Variants in PRPH2 observed in about 807,000 individuals in gnomAD.
PRPH2 encodes the protein peripherin-2.
In PRPH2, 17 loss-of-function variants were observed where a neutral mutation model predicts 31.3. The ratio of observed to expected loss-of-function variants is 0.54; its 90% CI spans 0.37 to 0.81. The LOEUF (loss-of-function observed/expected upper bound fraction) is 0.81. Among genes scored for constraint, PRPH2 ranks in the 40% least tolerant of loss-of-function variants. PRPH2 has a pLI of 0.00. For missense variants in PRPH2, 430 were observed against 439.7 expected, an observed-to-expected ratio of 0.98 and a Z score of 0.20; for synonymous variants, 165 against 184.4, an observed-to-expected ratio of 0.89 and a Z score of 0.85.
intron 1 of PRPH2, among the ~76,000 whole-genome samples, chr6:42,705,803 A>G (rs1800153067): frequency 1.3e-5 from 2 of 150,176 alleles, no homozygotes; most frequent in South Asian, 2.1e-4. Flanking sequence ...TACTAAAAAT[A>G]CAAAAATTAT....
intron 2 of PRPH2, among the ~76,000 whole-genome samples, chr6:42,699,352 A>G (rs414082): frequency 0.77 from 117,337 of 151,766 alleles, 45,442 homozygotes; most frequent in East Asian, 0.86. Flanking sequence ...GCGAGCCACC[A>G]TGCCCAGCCC....
intron 1 of PRPH2, among the ~76,000 whole-genome samples, chr6:42,709,141 C>T (rs1411671010): frequency 6.6e-6 from 1 of 151,480 alleles, no homozygotes; most frequent in Non-Finnish European, 1.5e-5. Context: ...CCATCCTGGC[C>T]AACGTGGTGA....
In PRPH2 at chr6:42,722,569, G is replaced by T; in HGVS notation, c.-235C>A. 7.1e-7 allele frequency: 1 copy of T among 1,408,348 alleles called. No individual in the cohort carries two copies. Among genetic ancestry groups the T allele is most frequent in the Non-Finnish European group, 9.2e-7 (1 of 1,082,660 alleles). The allele number at this position is 1,408,348 out of a possible 1,614,324, so 87.2% of individuals were successfully genotyped here. A position where few individuals can be genotyped will look rare whatever the true frequency, so the allele number is the denominator to read the frequency against. On this transcript the variant is annotated 5_prime_UTR_variant, in exon 1 of 3. Coordinates refer to ENST00000230381, the MANE Select transcript of PRPH2 (RefSeq NM_000322.5). This position sits in a 1 kb window ranked among gnomAD's most constrained non-coding sequence, Gnocchi z 4.4. Reference sequence around the variant, plus strand: ...GAGCAGGGGATAGTCCTGGTCCTGGGCGTTGTTTCTTCAGCGCCCTTCCCA... The same window carrying T: ...GAGCAGGGGATAGTCCTGGTCCTGGTCGTTGTTTCTTCAGCGCCCTTCCCA...
intron 1 of PRPH2, among the ~76,000 whole-genome samples, chr6:42,710,461 C>A (rs181901087): frequency 1.2e-4 from 18 of 152,308 alleles, no homozygotes; most frequent in Admixed American, 2.6e-4. Flanking sequence ...ATCCCTCCCC[C>A]ACTCCAAACA....
At position 42,716,620 on chromosome 6, in the gene PRPH2, T is replaced by TG. The variant is rs1562430848; in HGVS notation, c.581+5133_581+5134insC. On this transcript the variant is annotated intron_variant, in intron 1 of 2. Transcript: ENST00000230381. The stretch of plus-strand genomic sequence containing the variant: ...TTGGTTTGGTTTGGTTGGTTTTTTT[T>TG]TTTTTTTTTTTTTTTTTGAGATGAA... 1.3e-3 allele frequency among the ~76,000 whole-genome samples: 164 copies of TG among 129,694 alleles called. 1 individual carries two copies. Among genetic ancestry groups the TG allele is most frequent in the African/African-American group, 4.6e-3 (157 of 34,480 alleles). 85.1% of individuals were successfully genotyped at this position (129,694 alleles called of 152,430 possible).
In PRPH2 at chr6:42,702,994, T is replaced by C. The variant is rs143723269; in HGVS notation, c.828+1371A>G. ...GAGTTAGAGAGCAGCCTGGGCAACA[T>C]AGCAAGACCCCATTTCTACAGAAGA... is the stretch of plus-strand genomic sequence containing the variant. On this transcript the variant is annotated intron_variant, in intron 2 of 2. Coordinates refer to ENST00000230381, the MANE Select transcript of PRPH2 (RefSeq NM_000322.5). 5.9e-3 allele frequency among the ~76,000 whole-genome samples: 896 copies of C among 152,146 alleles called. 11 individuals are homozygous for C. Among genetic ancestry groups the C allele is most frequent in the African/African-American group, 0.021 (855 of 41,514 alleles).
Position 42,722,406 on chromosome 6 carries a change from G to C in PRPH2, c.-72C>G. ...CCCAAACCTTAACGAGCCCAGAGGC[G>C]GAGACTTAGGGCCTTGGGAAAAGTG... On this transcript the variant is annotated 5_prime_UTR_variant, in exon 1 of 3. Transcript: ENST00000230381. The surrounding 1 kb of genome is among the most constrained non-coding windows in gnomAD (Gnocchi z 4.4). The C allele has an allele frequency of 6.3e-7, 1 of 1,590,808 alleles. No homozygotes were observed. Among genetic ancestry groups the C allele is most frequent in the Non-Finnish European group, 8.5e-7 (1 of 1,173,488 alleles).
intron 2 of PRPH2, 84 bp from the exon 3 acceptor site, chr6:42,698,591 T>G: frequency 1.3e-6 from 2 of 1,574,526 alleles, no homozygotes; most frequent in Non-Finnish European, 1.7e-6. Context: ...AGCCTCAAAT[T>G]GAGGGTCCCA....
Position 42,722,291 on chromosome 6 carries a change from T to G in PRPH2, c.44A>C (p.Lys15Thr). The G allele has an allele frequency of 6.2e-7, 1 of 1,614,120 alleles. No individual in the cohort carries two copies. The highest frequency in any genetic ancestry group is 8.5e-7 in the Non-Finnish European group (1 of 1,180,036). The change falls in exon 1 of 3, where the codon AAG (lysine) becomes ACG (threonine). Residue 15 changes from lysine (K) to threonine (T), a missense_variant. Lys to Thr is a moderately conservative substitution (Grantham distance 78). Transcript: ENST00000230381. This position sits in a 1 kb window ranked among gnomAD's most constrained non-coding sequence, Gnocchi z 4.4. Reference sequence around the variant, plus strand: ...CATGAGCCAGAGCCCTTGGGCCAACTTGACCCGCTTCTTCTGGTCAAACTT... The same window carrying G: ...CATGAGCCAGAGCCCTTGGGCCAACGTGACCCGCTTCTTCTGGTCAAACTT... Reference protein sequence around the residue: ...KVKFDQKKRVKLAQGLWLMNW... With the variant: ...KVKFDQKKRVTLAQGLWLMNW...
intron 2 of PRPH2, among the ~76,000 whole-genome samples, chr6:42,703,681 C>T (rs1562422691): frequency 6.6e-6 from 1 of 152,148 alleles, no homozygotes; most frequent in Non-Finnish European, 1.5e-5. Context: ...GTGACTGCTT[C>T]ATGGGTGTGA....
At chr6:42,698,553 G>A (rs757179780) in intron 2 of PRPH2, 46 bp from the exon 3 acceptor site, 2 of 1,611,112 alleles carry the variant, frequency 1.2e-6, no homozygotes, top group Admixed American at 1.7e-5. Flanking sequence ...GAGAATCGCT[G>A]GGAGCTGGAC....
At chr6:42,719,167 C>CTTTT (rs10594241) in intron 1 of PRPH2, among the ~76,000 whole-genome samples, 4 of 144,910 alleles carry the variant, frequency 2.8e-5, no homozygotes, top group Non-Finnish European at 3.0e-5. Flanking sequence ...AGTGGACTTC[C>CTTTT]TTTTTTTTTT....
intron 1 of PRPH2, among the ~76,000 whole-genome samples, chr6:42,706,532 G>C (rs1397058964): frequency 2.0e-5 from 3 of 151,438 alleles, no homozygotes; most frequent in East Asian, 3.9e-4. Flanking sequence ...TTGAGCCCGA[G>C]ACGCAGAGGT....
At position 42,722,588 on chromosome 6, in the gene PRPH2, C is replaced by A; in HGVS notation, c.-254G>T. 4 of 1,385,566 alleles carry A rather than the reference C, an allele frequency of 2.9e-6. No individual in the cohort carries two copies. The highest frequency in any genetic ancestry group is 3.7e-6 in the Non-Finnish European group (4 of 1,068,262). 85.8% of individuals were successfully genotyped at this position (1,385,566 alleles called of 1,614,324 possible). A position where few individuals can be genotyped will look rare whatever the true frequency, so the allele number is the denominator to read the frequency against. On this transcript the variant is annotated 5_prime_UTR_variant, in exon 1 of 3. In the 5' UTR this introduces an upstream ATG that the reference lacks. Coordinates refer to ENST00000230381, the MANE Select transcript of PRPH2 (RefSeq NM_000322.5). The surrounding 1 kb of genome is among the most constrained non-coding windows in gnomAD (Gnocchi z 4.4). ...TCCTGGGCGTTGTTTCTTCAGCGCC[C>A]TTCCCAGCCAAGAAGGGGCAGCCTG... is the stretch of plus-strand genomic sequence containing the variant.
intron 1 of PRPH2, among the ~76,000 whole-genome samples, chr6:42,713,419 G>T (rs1761713003): frequency 1.3e-5 from 2 of 152,130 alleles, no homozygotes. Context: ...AGATGTGGGA[G>T]GTTGAAGCCC....
chr6:42,712,126 A>G (rs780996630), intron 1 of PRPH2, among the ~76,000 whole-genome samples: 3 of 152,186 alleles, frequency 2.0e-5, no homozygotes, highest in Non-Finnish European at 2.9e-5. Context: ...AGACAACACC[A>G]TTTGGCTGCA....
At chr6:42,706,450 A>C (rs867672094) in intron 1 of PRPH2, among the ~76,000 whole-genome samples, 1 of 151,420 alleles carries the variant, frequency 6.6e-6, no homozygotes, top group African/African-American at 2.4e-5. Context: ...TAAAAATACA[A>C]AAAAATTAGC....
chr6:42,711,059 G>T (rs140367690), intron 1 of PRPH2, among the ~76,000 whole-genome samples: 1 of 152,296 alleles, frequency 6.6e-6, no homozygotes, highest in Non-Finnish European at 1.5e-5. Context: ...GTAGTGCTGT[G>T]GTTTGAATGT....
chr6:42,705,924 A>C (rs974831616), intron 1 of PRPH2, among the ~76,000 whole-genome samples: 1 of 145,400 alleles, frequency 6.9e-6, no homozygotes, highest in African/African-American at 2.6e-5. Context: ...ACACCACTGC[A>C]CTCCAGCCCG....
Sources: gnomAD v4.1 joint callset for allele counts (sites outside exome capture counted in the v4.1 genomes callset) on GRCh38, gnomAD v4.1.1 for gene constraint, Gnocchi (gnomAD v3.1) non-coding constraint, MANE v1.5 for transcripts, NCBI Gene and HGNC (gene_info 2026-07-23, HGNC 2026-07-21) for gene names.